RELN: variants seen among roughly 807,000 people sequenced by gnomAD.
The protein encoded by RELN is reelin.
RELN carries 108 observed loss-of-function variants against 427.6 expected under a neutral mutation model. The ratio of observed to expected loss-of-function variants is 0.25; its 90% confidence interval spans 0.22 to 0.30. RELN has a LOEUF of 0.30. Ranked by LOEUF, RELN falls within the 10% of genes least tolerant of loss-of-function variation. The probability of loss-of-function intolerance (pLI) is 1.00; values close to 1 mark genes in which losing one functional copy is unlikely to be tolerated. For missense variants in RELN, 3,715 were observed against 4,302.8 expected (o/e 0.86, Z 3.82); for synonymous variants, 1,524 against 1,513.4 (o/e 1.01, Z -0.16).
intron 63 of RELN, among the ~76,000 whole-genome samples, chr7:103,479,243 C>G (rs1187270951): frequency 1.3e-5 from 2 of 152,182 alleles, no homozygotes; most frequent in Admixed American, 1.3e-4. Context: ...ACAACAAATT[C>G]TCTTTTATCC....
intron 10 of RELN, among the ~76,000 whole-genome samples, chr7:103,693,465 A>G (rs1157883042): frequency 1.3e-5 from 2 of 152,096 alleles, no homozygotes; most frequent in African/African-American, 4.8e-5. Flanking sequence ...ATACTTATGT[A>G]ACAAACCTGC....
intron 3 of RELN, among the ~76,000 whole-genome samples, chr7:103,804,791 G>A (rs975907441): frequency 9.2e-5 from 14 of 152,010 alleles, no homozygotes; most frequent in Admixed American, 5.2e-4. Context: ...AGAAAACAGC[G>A]TGCCCACATT....
In RELN at chr7:103,989,317, C is replaced by A. The variant is rs147551940; in HGVS notation, c.40G>T (p.Ala14Ser). 3.8e-6 allele frequency: 6 copies of A among 1,590,880 alleles called. No homozygotes were observed. The highest frequency in any genetic ancestry group is 5.2e-6 in the Non-Finnish European group (6 of 1,163,772). ...CTCAGCGTCGCCCCCAGCAACAGCGCTAGGAGGAAAGTCTGCCGGGCCCAG... is the reference window on the plus strand; with the variant it reads ...CTCAGCGTCGCCCCCAGCAACAGCGATAGGAGGAAAGTCTGCCGGGCCCAG... ...SGWARQTFLL[A>S]LLLGATLRAR... Residue 14 changes from alanine to serine, a missense_variant, in exon 1 of 65, where the codon GCG becomes TCG. By Grantham distance (99) the Ala-to-Ser change is moderately conservative. Transcript: ENST00000428762. The surrounding 1 kb of genome is among the most constrained non-coding windows in gnomAD (Gnocchi z 4.9).
At chr7:103,506,573 G>A (rs561175871) in intron 51 of RELN, among the ~76,000 whole-genome samples, 74 of 152,242 alleles carry the variant, frequency 4.9e-4, no homozygotes, top group African/African-American at 1.4e-3. Flanking sequence ...ACTAAACATG[G>A]AAAGGAACAA....
At chr7:103,719,977 G>A (rs1156993996) in intron 8 of RELN, among the ~76,000 whole-genome samples, 2 of 151,964 alleles carry the variant, frequency 1.3e-5, no homozygotes, top group African/African-American at 4.8e-5. Context: ...GCATTTTCAG[G>A]ATTCTTTGAC....
At chr7:103,744,133 G>C (rs954151103) in intron 6 of RELN, among the ~76,000 whole-genome samples, 17 of 152,236 alleles carry the variant, frequency 1.1e-4, no homozygotes, top group Admixed American at 7.2e-4. Context: ...TCAACTACAT[G>C]GAAACTGAAC....
chr7:103,757,944 A>G (rs1390184406), intron 4 of RELN, among the ~76,000 whole-genome samples: 1 of 152,252 alleles, frequency 6.6e-6, no homozygotes, highest in African/African-American at 2.4e-5. Flanking sequence ...TAAGGAATCA[A>G]GTGTTTGTAT....
chr7:103,596,335 T>C (rs756627486), intron 25 of RELN, 121 bp downstream of exon 25: 1 of 817,442 alleles, frequency 1.2e-6, no homozygotes, highest in Non-Finnish European at 2.1e-6. Flanking sequence ...CTATCATTCA[T>C]GTTAAATTTT....
intron 38 of RELN, among the ~76,000 whole-genome samples, chr7:103,554,886 C>A (rs891774304): frequency 2.0e-4 from 30 of 152,250 alleles, no homozygotes; most frequent in African/African-American, 7.2e-4. Flanking sequence ...TAGGGCCAAC[C>A]CATGGCTTAG....
Position 103,620,593 on chromosome 7 carries a change from C to A in RELN, c.2703-8790G>T, listed in dbSNP as rs993720587. On this transcript the variant is annotated intron_variant, in intron 20 of 64. Transcript: ENST00000428762. The surrounding 1 kb of genome is among the most constrained non-coding windows in gnomAD (Gnocchi z 4.1). ...GGTTCAAACGATTCTCCTGCCTCAG[C>A]CTCCCAAGTAGCTGGGATTACAGAT... Among the ~76,000 whole-genome samples, 13 of 151,916 alleles carry A rather than the reference C, an allele frequency of 8.6e-5. No homozygotes were observed. Among genetic ancestry groups the A allele is most frequent in the African/African-American group, 3.1e-4 (13 of 41,336 alleles).
intron 4 of RELN, among the ~76,000 whole-genome samples, chr7:103,771,307 T>G (rs1248908539): frequency 6.6e-6 from 1 of 152,018 alleles, no homozygotes. Context: ...ACCTCTACCA[T>G]GTTCAGATTT....
rs571013518 is a variant in RELN, at chr7:103,702,291, C to T, written c.806-1285G>A. On this transcript the variant is annotated intron_variant, in intron 8 of 64. Coordinates refer to ENST00000428762, the MANE Select transcript of RELN (RefSeq NM_005045.4). ...CAATACAAACAAGAATGAGGTCTAGCAAAGAATCTGTGATTTAGAAGGAAA... is the reference window on the plus strand; with the variant it reads ...CAATACAAACAAGAATGAGGTCTAGTAAAGAATCTGTGATTTAGAAGGAAA... Among the ~76,000 whole-genome samples the T allele has an allele frequency of 4.6e-5, 7 of 152,246 alleles. No homozygotes were observed. In the South Asian group the frequency reaches 1.5e-3, roughly 32 times the overall value.
rs114658055 is a variant in RELN at position 103,705,853 on chromosome 7, G to C, written c.806-4847C>G. ...AACTGCTTCACAGAACTGTTGTAAA[G>C]ATTAAGGCATTAACACAAGAAAAGT... On this transcript the variant is annotated intron_variant, in intron 8 of 64. Coordinates refer to ENST00000428762, the MANE Select transcript of RELN (RefSeq NM_005045.4). 1.8e-3 allele frequency among the ~76,000 whole-genome samples: 275 copies of C among 152,270 alleles called. 2 individuals carry two copies. Among genetic ancestry groups the C allele is most frequent in the African/African-American group, 6.2e-3 (259 of 41,540 alleles).
chr7:103,744,332 C>T (rs889059597), intron 6 of RELN, among the ~76,000 whole-genome samples: 7 of 151,418 alleles, frequency 4.6e-5, no homozygotes, highest in Non-Finnish European at 1.0e-4. Flanking sequence ...AAATTGACAC[C>T]CTAACATCAC....
chr7:103,492,991 G>A (rs963248110), intron 57 of RELN, among the ~76,000 whole-genome samples: 7 of 152,144 alleles, frequency 4.6e-5, no homozygotes, highest in African/African-American at 1.7e-4. Context: ...TAGAATGATC[G>A]GTTGAATTTG....
chr7:103,697,594 G>T lies in RELN; in HGVS notation c.1143+259C>A, dbSNP rs74832224. 0.02 allele frequency among the ~76,000 whole-genome samples: 2,977 copies of T among 152,194 alleles called. 100 individuals are homozygous for T. Among genetic ancestry groups the T allele is most frequent in the African/African-American group, 0.068 (2,841 of 41,510 alleles). On this transcript the variant is annotated intron_variant, in intron 10 of 64. Coordinates refer to ENST00000428762, the MANE Select transcript of RELN (RefSeq NM_005045.4). ...GAAGAGACACATCTGCCTTTTTGTG[G>T]TTATATTCTCTGGGTTCAGCCCAGT...
intron 6 of RELN, among the ~76,000 whole-genome samples, chr7:103,733,270 C>T (rs1000321827): frequency 5.3e-5 from 8 of 151,038 alleles, no homozygotes; most frequent in Non-Finnish European, 1.2e-4. Context: ...GAATGGCAAT[C>T]ATTAAAAAGT....
At chr7:103,521,214 C>G (rs1391649564) in intron 48 of RELN, among the ~76,000 whole-genome samples, 4 of 151,424 alleles carry the variant, frequency 2.6e-5, no homozygotes, top group Admixed American at 6.6e-5. Context: ...CTCCTGACCT[C>G]ATGATCCACC....
chr7:103,642,980 T>C (rs1235593498), intron 16 of RELN, among the ~76,000 whole-genome samples: 5 of 152,110 alleles, frequency 3.3e-5, no homozygotes, highest in African/African-American at 1.2e-4. Flanking sequence ...TTTATATCCA[T>C]ATAACTCATA....
Sources: allele counts gnomAD v4.1 joint callset (sites outside exome capture counted in the v4.1 genomes callset), GRCh38; gene constraint gnomAD v4.1.1; non-coding constraint Gnocchi (gnomAD v3.1); transcripts MANE v1.5; gene names NCBI Gene and HGNC (gene_info 2026-07-23, HGNC 2026-07-21).